The following AGBL1 variants were observed in gnomAD, a reference collection of about 807,000 sequenced individuals.
The protein encoded by AGBL1 is AGBL carboxypeptidase 1.
A neutral mutation model predicts 118.9 loss-of-function variants in AGBL1; 130 were observed. The observed-to-expected ratio is 1.09, with a 90% CI of 0.95 to 1.26. AGBL1 has a LOEUF of 1.26. Ranked by LOEUF, AGBL1 falls within the 50% of genes most tolerant of loss-of-function variation. The pLI, the probability that AGBL1 is intolerant of heterozygous loss-of-function variation, is 0.00. For missense variants in AGBL1, 1,584 were observed against 1,298.1 expected, an observed-to-expected ratio of 1.22 and a Z score of -3.38; for synonymous variants, 555 against 478.9, an observed-to-expected ratio of 1.16 and a Z score of -2.08.
Position 86,401,208 on chromosome 15 carries a change from A to C in AGBL1, c.2555+3662A>C, listed in dbSNP as rs192834320. The stretch of plus-strand genomic sequence containing the variant: ...TTTAATTTGCATTTCCTTTATAATT[A>C]GTGAAGTTGAGCATTTTTTTCATAT... On this transcript the variant is annotated intron_variant, in intron 18 of 22. Transcript: ENST00000614907. 3.5e-4 allele frequency among the ~76,000 whole-genome samples: 54 copies of C among 152,264 alleles called. 1 individual carries two copies. The highest frequency in any genetic ancestry group is 1.3e-3 in the African/African-American group (53 of 41,568).
intron 6 of AGBL1, among the ~76,000 whole-genome samples, chr15:86,234,288 C>T (rs1184060126): frequency 6.6e-6 from 1 of 152,010 alleles, no homozygotes; most frequent in Non-Finnish European, 1.5e-5. Context: ...AGCGGTGGCT[C>T]ATGCCTCTAA....
chr15:86,733,544 G>A lies in AGBL1; in HGVS notation c.3158+59108G>A, dbSNP rs898115777. On this transcript the variant is annotated intron_variant, in intron 22 of 22. Coordinates refer to ENST00000614907, the MANE Select transcript of AGBL1 (RefSeq NM_001386094.1). ...AATATTTAATCACTGCTTGGGATGG[G>A]ACCTGGCACTTAGTAACTATAATAT... Among the ~76,000 whole-genome samples the A allele has an allele frequency of 6.6e-5, 10 of 152,106 alleles. No homozygotes were observed. The South Asian group carries it at 1.9e-3, about 28-fold the overall frequency.
At chr15:86,426,624 G>T (rs943641543) in intron 18 of AGBL1, among the ~76,000 whole-genome samples, 3 of 152,202 alleles carry the variant, frequency 2.0e-5, no homozygotes, top group African/African-American at 7.2e-5. Flanking sequence ...CTGCCTAAAT[G>T]CAGCCTTAAG....
At chr15:86,988,100 A>C (rs1157089113) in intron 24 of AGBL1, 1 of 1,612,650 alleles carries the variant, frequency 6.2e-7, no homozygotes, top group African/African-American at 1.3e-5. Flanking sequence ...TGAGTATGTC[A>C]GTTTCCTGAT....
intron 22 of AGBL1, among the ~76,000 whole-genome samples, chr15:86,715,919 C>T (rs112374762): frequency 0.021 from 3,239 of 151,582 alleles, 98 homozygotes; most frequent in African/African-American, 0.072. Context: ...ATTAGTCAGG[C>T]GTGGTGGTGG....
intron 18 of AGBL1, among the ~76,000 whole-genome samples, chr15:86,473,610 T>C (rs899114805): frequency 2.6e-5 from 4 of 152,212 alleles, no homozygotes; most frequent in Non-Finnish European, 4.4e-5. Flanking sequence ...TGTATTTTCT[T>C]CATATCAAAA....
chr15:86,576,777 A>G (rs948916573), intron 21 of AGBL1, among the ~76,000 whole-genome samples: 2 of 152,106 alleles, frequency 1.3e-5, no homozygotes, highest in Non-Finnish European at 2.9e-5. Flanking sequence ...ATGAGATCTG[A>G]TGGTTATCGT....
At position 86,638,614 on chromosome 15, in the gene AGBL1, C is replaced by T. The variant is rs191251117; in HGVS notation, c.2995-35659C>T. Among the ~76,000 whole-genome samples the T allele has an allele frequency of 7.2e-5, 11 of 152,260 alleles. No homozygotes were observed. The East Asian group carries it at 2.1e-3, about 29-fold the overall frequency. ...CCCACACTTTGTTCTTCACATGCAGCTTCAGTGTCTAAGTAATCCGAATAG... is the reference window on the plus strand; with the variant it reads ...CCCACACTTTGTTCTTCACATGCAGTTTCAGTGTCTAAGTAATCCGAATAG... On this transcript the variant is annotated intron_variant, in intron 21 of 22. Coordinates refer to ENST00000614907, the MANE Select transcript of AGBL1 (RefSeq NM_001386094.1).
chr15:86,343,564 G>T (rs1048238117), intron 17 of AGBL1, among the ~76,000 whole-genome samples: 1 of 152,208 alleles, frequency 6.6e-6, no homozygotes, highest in African/African-American at 2.4e-5. Context: ...ATGCCTCATG[G>T]TAGAGTGGAT....
At chr15:86,491,777 A>G (rs974602292) in intron 18 of AGBL1, among the ~76,000 whole-genome samples, 1 of 151,956 alleles carries the variant, frequency 6.6e-6, no homozygotes, top group Non-Finnish European at 1.5e-5. Flanking sequence ...GAAAAAAATT[A>G]ATGATATTTT....
intron 23 of AGBL1, among the ~76,000 whole-genome samples, chr15:86,984,007 C>A (rs2081256340): frequency 6.6e-6 from 1 of 152,080 alleles, no homozygotes; most frequent in Non-Finnish European, 1.5e-5. Flanking sequence ...TAGGCATATG[C>A]TTTATGTGGG....
chr15:86,958,570 A>G (rs1049134671), intron 23 of AGBL1, among the ~76,000 whole-genome samples: 2 of 152,192 alleles, frequency 1.3e-5, no homozygotes, highest in Non-Finnish European at 2.9e-5. Flanking sequence ...GTTTATAGAA[A>G]ACAATTAATG....
At chr15:86,842,824 A>G (rs2079264105) in intron 22 of AGBL1, among the ~76,000 whole-genome samples, 1 of 152,104 alleles carries the variant, frequency 6.6e-6, no homozygotes, top group African/African-American at 2.4e-5. Flanking sequence ...TGGTGATTAG[A>G]CCTGTTGGAT....
chr15:86,718,171 C>T (rs1261110386), intron 22 of AGBL1, among the ~76,000 whole-genome samples: 2 of 152,172 alleles, frequency 1.3e-5, no homozygotes, highest in Non-Finnish European at 2.9e-5. Context: ...AGAGACCCTA[C>T]CACTGAAGTA....
At chr15:86,999,150 A>G (rs1186683395) in intron 24 of AGBL1, among the ~76,000 whole-genome samples, 3 of 150,680 alleles carry the variant, frequency 2.0e-5, no homozygotes, top group Admixed American at 1.3e-4. Flanking sequence ...CGATGGTTTC[A>G]AGCTTCATCC....
At chr15:86,465,350 A>C (rs1395302550) in intron 18 of AGBL1, among the ~76,000 whole-genome samples, 1 of 152,132 alleles carries the variant, frequency 6.6e-6, no homozygotes, top group Non-Finnish European at 1.5e-5. Context: ...CCCTGTGATG[A>C]TTGCATTATC....
intron 17 of AGBL1, among the ~76,000 whole-genome samples, chr15:86,392,863 G>A (rs113133934): frequency 0.02 from 3,072 of 152,178 alleles, 43 homozygotes; most frequent in Middle Eastern, 0.065. Context: ...CAAATATCTG[G>A]CACTTTTTGC....
intron 21 of AGBL1, among the ~76,000 whole-genome samples, chr15:86,609,018 C>T (rs2084622454): frequency 6.6e-6 from 1 of 152,116 alleles, no homozygotes. Flanking sequence ...GCACACTTTG[C>T]ATAATTTTAA....
intron 18 of AGBL1, among the ~76,000 whole-genome samples, chr15:86,467,686 T>A (rs546561080): frequency 6.6e-6 from 1 of 152,308 alleles, no homozygotes; most frequent in East Asian, 1.9e-4. Context: ...GCACTGCCCC[T>A]CATCACACAG....
Sources: allele counts gnomAD v4.1 joint callset (sites outside exome capture counted in the v4.1 genomes callset), GRCh38; gene constraint gnomAD v4.1.1; transcripts MANE v1.5; gene names NCBI Gene and HGNC (gene_info 2026-07-23, HGNC 2026-07-21).